The following MMADHC variants were observed in gnomAD, a reference collection of about 807,000 sequenced individuals.
The protein encoded by MMADHC is metabolism of cobalamin associated D.
Under a neutral mutation model 36.3 loss-of-function variants are expected in MMADHC, and 23 were observed. That is an observed-to-expected ratio of 0.63 (90% CI 0.46 to 0.90). The LOEUF (loss-of-function observed/expected upper bound fraction) is 0.90, where lower values mean the gene tolerates loss of function less well. Among genes scored for constraint, MMADHC ranks in the 40% least tolerant of loss-of-function variants. The pLI, the probability that MMADHC is intolerant of heterozygous loss-of-function variation, is 0.00. For missense variants in MMADHC, 330 were observed against 348.0 expected (o/e 0.95, Z 0.41); for synonymous variants, 97 against 116.1 (o/e 0.84, Z 1.06).
intron 7 of MMADHC, 69 bp from the exon 8 acceptor site, chr2:149,570,237 A>G: frequency 8.0e-7 from 1 of 1,250,468 alleles, no homozygotes; most frequent in East Asian, 2.5e-5. Context: ...TTAGGTAAAC[A>G]TGAACACCTA....
In MMADHC at chr2:149,582,170, T is replaced by G. The variant is rs768522606; in HGVS notation, c.111A>C (p.Ser37=). ...NPKAFSTAGS[S]GSDESHVAAA... is the part of the protein sequence containing the mutation. ...CAGCCACATGAGACTCATCCGAACC[T>G]GATGATCCTGCAGTCGAAAAGGCTT... Residue 37 remains serine, a synonymous_variant, in exon 3 of 8, where the codon TCA becomes TCC. Transcript: ENST00000303319. The G allele has an allele frequency of 1.2e-6, 2 of 1,613,990 alleles. No homozygotes were observed. Among genetic ancestry groups the G allele is most frequent in the South Asian group, 2.2e-5 (2 of 91,080 alleles).
intron 6 of MMADHC, among the ~76,000 whole-genome samples, chr2:149,571,712 A>C (rs966849617): frequency 2.6e-5 from 4 of 151,468 alleles, no homozygotes. Flanking sequence ...CCCGGGAGGC[A>C]GAGCTTGCAG....
chr2:149,585,142 A>G (rs894979821), intron 2 of MMADHC, among the ~76,000 whole-genome samples: 1 of 152,228 alleles, frequency 6.6e-6, no homozygotes, highest in African/African-American at 2.4e-5. Flanking sequence ...AGATTTTATG[A>G]CTGGTTCAGC....
rs1180078961 is a variant in MMADHC at position 149,587,665 on chromosome 2, A to G, written c.-54T>C. ...AACATGGGCGGAAACCATCCGTACC[A>G]GTCACCACCACTGTCTCCAGCTGTC... On this transcript the variant is annotated splice_region_variant and 5_prime_UTR_variant, in exon 1 of 8. Transcript: ENST00000303319. 6.3e-6 allele frequency: 1 copy of G among 157,614 alleles called. No individual in the cohort carries two copies. Among genetic ancestry groups the G allele is most frequent in the Admixed American group, 6.1e-5 (1 of 16,364 alleles). The allele number at this position is 157,614 out of a possible 1,614,324, so 9.8% of individuals were successfully genotyped here.
Position 149,576,432 on chromosome 2 carries a change from C to T in MMADHC, c.478+5G>A. The T allele has an allele frequency of 6.3e-7, 1 of 1,581,390 alleles. No individual in the cohort carries two copies. Among genetic ancestry groups the T allele is most frequent in the East Asian group, 2.2e-5 (1 of 44,624 alleles). On this transcript the variant is annotated splice_donor_5th_base_variant and intron_variant, in intron 5 of 7. Transcript: ENST00000303319. The stretch of plus-strand genomic sequence containing the variant: ...CAGTGTTTCAAAGTATAAAGCATGA[C>T]ATACCTTTTCGCAGCAATTCTGGAC...
At chr2:149,586,367 G>A (rs1682868414) in intron 2 of MMADHC, among the ~76,000 whole-genome samples, 1 of 152,094 alleles carries the variant, frequency 6.6e-6, no homozygotes, top group South Asian at 2.1e-4. Flanking sequence ...AGGGGTAGGC[G>A]GGTTGGGGAG....
In MMADHC at chr2:149,575,691, T is replaced by A; in HGVS notation, c.609+20A>T. On this transcript the variant is annotated intron_variant, in intron 6 of 7. Transcript: ENST00000303319. ...AAATAATGACCATAAAATTAAATTA[T>A]TAGCAATTGAAAGAATTACCTTTTC... The A allele has an allele frequency of 6.4e-7, 1 of 1,567,210 alleles. No homozygotes were observed. Among genetic ancestry groups the A allele is most frequent in the South Asian group, 1.1e-5 (1 of 87,016 alleles).
rs1240680700 is a variant in MMADHC at position 149,580,123 on chromosome 2, A to G, written c.155-475T>C. ...AGCCTTGACCTCTGAGGTCCACCTC[A>G]GCCTCCCAAGTAGCTGGGATCACTG... On this transcript the variant is annotated intron_variant, in intron 3 of 7. Coordinates refer to ENST00000303319, the MANE Select transcript of MMADHC (RefSeq NM_015702.3). Among the ~76,000 whole-genome samples the G allele has an allele frequency of 6.6e-5, 10 of 152,160 alleles. No individual in the cohort carries two copies. The South Asian group carries it at 8.3e-4, about 13-fold the overall frequency.
chr2:149,570,990 A>G (rs1224059386), intron 7 of MMADHC, 95 bp downstream of exon 7: 1 of 1,069,230 alleles, frequency 9.4e-7, no homozygotes, highest in African/African-American at 1.6e-5. Flanking sequence ...GAGATTTTTA[A>G]AAAGTCTTAA....
intron 4 of MMADHC, 139 bp from the exon 5 acceptor site, chr2:149,576,681 A>G: frequency 1.5e-6 from 1 of 661,682 alleles, no homozygotes. Context: ...AGGTGAGGTA[A>G]TAACATTTTC....
At chr2:149,573,328 A>G (rs531041912) in intron 6 of MMADHC, among the ~76,000 whole-genome samples, 59 of 152,344 alleles carry the variant, frequency 3.9e-4, no homozygotes, top group Middle Eastern at 3.4e-3. Flanking sequence ...CTGAGCCAGC[A>G]TAAGAAAGCC....
At chr2:149,582,523 A>G (rs1177225313) in intron 2 of MMADHC, among the ~76,000 whole-genome samples, 1 of 152,316 alleles carries the variant, frequency 6.6e-6, no homozygotes, top group East Asian at 1.9e-4. Flanking sequence ...CTAGAATTCA[A>G]GAGTGCCACA....
At chr2:149,578,117 T>C (rs1682743023) in intron 4 of MMADHC, among the ~76,000 whole-genome samples, 1 of 151,882 alleles carries the variant, frequency 6.6e-6, no homozygotes, top group Non-Finnish European at 1.5e-5. Flanking sequence ...AGTTGCAGAG[T>C]CAATCTTTGA....
chr2:149,570,169 CTG>C lies in MMADHC; in HGVS notation c.697-3_697-2del. The stretch of plus-strand genomic sequence containing the variant: ...TGTTGTTTGTATATGGTCCAAAAAA[CTG>C]AGGAAATAAAAACGAAATATTCTCA... On this transcript the variant is annotated splice_acceptor_variant and splice_polypyrimidine_tract_variant and intron_variant, in intron 7 of 7. Coordinates refer to ENST00000303319, the MANE Select transcript of MMADHC (RefSeq NM_015702.3). LOFTEE classifies it high-confidence loss of function. The C allele has an allele frequency of 1.2e-6, 2 of 1,612,210 alleles. No homozygotes were observed. The highest frequency in any genetic ancestry group is 1.7e-6 in the Non-Finnish European group (2 of 1,178,710).
intron 6 of MMADHC, among the ~76,000 whole-genome samples, chr2:149,573,793 A>C (rs1682677426): frequency 6.6e-6 from 1 of 152,208 alleles, no homozygotes; most frequent in Non-Finnish European, 1.5e-5. Context: ...GATGTGTCAT[A>C]CATAAACACT....
At chr2:149,578,896 G>A (rs1307260530) in intron 4 of MMADHC, among the ~76,000 whole-genome samples, 1 of 148,270 alleles carries the variant, frequency 6.7e-6, no homozygotes. Context: ...AATCATAAAT[G>A]CAAGTTTAAA....
rs1682763414 is a variant in MMADHC, at chr2:149,579,466, C to G, written c.337G>C (p.Glu113Gln). ...LAEPLSSERH[E>Q]FVMAQYVNEF... ...TTCACATATTGTGCCATCACAAACT[C>G]ATGTCTTTCACTTGATAAAGGTTCT... Residue 113 changes from glutamate (E) to glutamine (Q), a missense_variant, in exon 4 of 8, where the codon GAG becomes CAG. Coordinates refer to ENST00000303319, the MANE Select transcript of MMADHC (RefSeq NM_015702.3). 1.2e-6 allele frequency: 2 copies of G among 1,612,212 alleles called. No homozygotes were observed. The highest frequency in any genetic ancestry group is 1.3e-5 in the African/African-American group (1 of 74,858).
intron 6 of MMADHC, among the ~76,000 whole-genome samples, chr2:149,574,914 C>A (rs557630596): frequency 6.6e-6 from 1 of 152,250 alleles, no homozygotes; most frequent in East Asian, 1.9e-4. Flanking sequence ...GATCCGCCAC[C>A]TCAGCCTCCA....
At chr2:149,581,176 C>CT in intron 3 of MMADHC, among the ~76,000 whole-genome samples, 1 of 152,298 alleles carries the variant, frequency 6.6e-6, no homozygotes, top group South Asian at 2.1e-4. Flanking sequence ...AAGGCCTATT[C>CT]ATGTCCTTTT....
Sources: gnomAD v4.1 joint callset for allele counts (sites outside exome capture counted in the v4.1 genomes callset) on GRCh38, gnomAD v4.1.1 for gene constraint, MANE v1.5 for transcripts, NCBI Gene and HGNC (gene_info 2026-07-23, HGNC 2026-07-21) for gene names.